The following RORB variants were observed in gnomAD, a reference collection of about 807,000 sequenced individuals.
The protein encoded by RORB is RAR related orphan receptor B.
Under a neutral mutation model 59.1 loss-of-function variants are expected in RORB, and 6 were observed. The observed-to-expected ratio is 0.10, with a 90% CI of 0.06 to 0.20. The LOEUF is 0.20. Among genes scored for constraint, RORB ranks in the 10% least tolerant of loss-of-function variants. RORB has a pLI of 1.00. For missense variants in RORB, 320 were observed against 560.5 expected, an observed-to-expected ratio of 0.57 and a Z score of 4.33; for synonymous variants, 215 against 204.5, an observed-to-expected ratio of 1.05 and a Z score of -0.44.
In RORB at chr9:74,634,648, C is replaced by T. The variant is rs1823673416; in HGVS notation, c.111C>T (p.Ser37=). 6.2e-7 allele frequency: 1 copy of T among 1,609,888 alleles called. No individual in the cohort carries two copies. Among genetic ancestry groups the T allele is most frequent in the African/African-American group, 1.3e-5 (1 of 74,722 alleles). Residue 37 remains serine (S), a synonymous_variant, in exon 3 of 10, where the codon AGC becomes AGT. Transcript: ENST00000376896. The part of the protein sequence containing the change: ...CEGCKGFFRR[S]QQNNASYSCP... ...CCCTCAAGGGATTCTTTAGGAGGAG[C>T]CAGCAGAACAATGCTTCTTATTCCT...
chr9:74,578,548 G>A (rs561983588), intron 1 of RORB, among the ~76,000 whole-genome samples: 1 of 152,030 alleles, frequency 6.6e-6, no homozygotes, highest in East Asian at 1.9e-4. Flanking sequence ...AAAAATGGAA[G>A]ACAAAAAATT....
At chr9:74,667,321 T>G (rs1824283190) in intron 7 of RORB, among the ~76,000 whole-genome samples, 1 of 152,244 alleles carries the variant, frequency 6.6e-6, no homozygotes, top group Non-Finnish European at 1.5e-5. Context: ...TTCTAACGTC[T>G]CAGTTTAAAA....
chr9:74,605,469 T>A (rs1262809340), intron 1 of RORB, among the ~76,000 whole-genome samples: 1 of 152,134 alleles, frequency 6.6e-6, no homozygotes, highest in Non-Finnish European at 1.5e-5. Context: ...AGGCGGTGTG[T>A]CCACCATGGT....
At chr9:74,647,458 C>T (rs539561940) in intron 4 of RORB, among the ~76,000 whole-genome samples, 2 of 152,262 alleles carry the variant, frequency 1.3e-5, no homozygotes, top group African/African-American at 4.8e-5. Flanking sequence ...ATCAAATTAG[C>T]TACAATGCTA....
intron 1 of RORB, among the ~76,000 whole-genome samples, chr9:74,569,697 GA>G (rs1454452103): frequency 3.3e-5 from 5 of 151,938 alleles, no homozygotes; most frequent in Non-Finnish European, 7.4e-5. Context: ...TAAAAAATTT[GA>G]AATTTGGTTT....
At chr9:74,632,731 CA>C (rs1419633237) in intron 2 of RORB, among the ~76,000 whole-genome samples, 1 of 152,032 alleles carries the variant, frequency 6.6e-6, no homozygotes, top group Non-Finnish European at 1.5e-5. Context: ...CTAGAGTATC[CA>C]AAGATAAAAA....
intron 4 of RORB, among the ~76,000 whole-genome samples, chr9:74,648,711 C>A (rs1427347367): frequency 6.6e-6 from 1 of 152,126 alleles, no homozygotes; most frequent in East Asian, 1.9e-4. Flanking sequence ...CGTCCATCCT[C>A]CTGAAAACAA....
rs187407459 is a variant in RORB at position 74,660,379 on chromosome 9, A to G, written c.638-238A>G. 1.4e-4 allele frequency among the ~76,000 whole-genome samples: 22 copies of G among 152,250 alleles called. No homozygotes were observed. In the East Asian group the frequency reaches 4.2e-3, roughly 29 times the overall value. ...CCTTTGAATGGTTTCCAACTTGTAA[A>G]ACCCCTAAGTTGTGATCAAAAGACC... On this transcript the variant is annotated intron_variant, in intron 4 of 9. Transcript: ENST00000376896.
chr9:74,550,351 T>C (rs746335713), intron 1 of RORB, among the ~76,000 whole-genome samples: 5 of 152,202 alleles, frequency 3.3e-5, no homozygotes, highest in Non-Finnish European at 7.3e-5. Flanking sequence ...ATGACTGTAA[T>C]AAGTGGTTCT....
chr9:74,576,516 G>A (rs1822637804), intron 1 of RORB, among the ~76,000 whole-genome samples: 1 of 152,228 alleles, frequency 6.6e-6, no homozygotes, highest in East Asian at 1.9e-4. Context: ...CAGTAGGAGG[G>A]AGAAAATGGA....
rs191228733 is a variant in RORB, at chr9:74,540,365, T to C, written c.7+42382T>C. The stretch of plus-strand genomic sequence containing the variant: ...TCAGTCACATTATTTAACCCCTCTA[T>C]GCTTCAATTTCTGCATCTGCAAAAA... On this transcript the variant is annotated intron_variant, in intron 1 of 9. Coordinates refer to ENST00000376896, the MANE Select transcript of RORB (RefSeq NM_006914.4). Among the ~76,000 whole-genome samples, 4 of 152,306 alleles carry C rather than the reference T, an allele frequency of 2.6e-5. No individual in the cohort carries two copies. The East Asian group carries it at 7.7e-4, about 29-fold the overall frequency.
At chr9:74,640,398 C>T (rs1405437152) in intron 3 of RORB, among the ~76,000 whole-genome samples, 1 of 151,788 alleles carries the variant, frequency 6.6e-6, no homozygotes. Context: ...CACACCACCA[C>T]GCCCACAAGC....
chr9:74,599,520 C>A (rs924515370), intron 1 of RORB, among the ~76,000 whole-genome samples: 59 of 152,160 alleles, frequency 3.9e-4, no homozygotes, highest in African/African-American at 1.3e-3. Flanking sequence ...CCCAGAGAAT[C>A]CTAACTAATA....
chr9:74,504,734 G>A (rs962707883), intron 1 of RORB, among the ~76,000 whole-genome samples: 7 of 152,020 alleles, frequency 4.6e-5, no homozygotes, highest in Middle Eastern at 3.4e-3. Flanking sequence ...ACTACCCTAC[G>A]TATTACTTTG....
chr9:74,566,866 T>C (rs1819791928), intron 1 of RORB, among the ~76,000 whole-genome samples: 1 of 152,202 alleles, frequency 6.6e-6, no homozygotes, highest in Admixed American at 6.5e-5. Flanking sequence ...AAATCAGAGA[T>C]GTCATTAGTA....
At chr9:74,557,861 A>G (rs1822332606) in intron 1 of RORB, among the ~76,000 whole-genome samples, 1 of 152,086 alleles carries the variant, frequency 6.6e-6, no homozygotes, top group Non-Finnish European at 1.5e-5. Context: ...AGGAGGAAAC[A>G]TTATGTTTGA....
In RORB at chr9:74,633,374, C is replaced by G. The variant is rs118099351; in HGVS notation, c.94-1257C>G. 1.2e-3 allele frequency among the ~76,000 whole-genome samples: 186 copies of G among 152,296 alleles called. 1 individual carries two copies. The highest frequency in any genetic ancestry group is 2.0e-3 in the Non-Finnish European group (137 of 68,024). On this transcript the variant is annotated intron_variant, in intron 2 of 9. Transcript: ENST00000376896. ...TTTGAGGGAAGTCAGGGGATCTATT[C>G]CAGGCTTCTCTGCAAGATAGGCATT...
At chr9:74,539,865 TC>T (rs1280135391) in intron 1 of RORB, among the ~76,000 whole-genome samples, 1 of 96,510 alleles carries the variant, frequency 1.0e-5, no homozygotes, top group African/African-American at 4.2e-5. Context: ...CACCTTAACC[TC>T]TCAAAAAAAA....
chr9:74,592,820 C>G (rs186975845), intron 1 of RORB, among the ~76,000 whole-genome samples: 3 of 152,274 alleles, frequency 2.0e-5, no homozygotes, highest in Admixed American at 2.0e-4. Flanking sequence ...ATCTCTCTCT[C>G]TCTCTCTCTC....
Sources: gnomAD v4.1 joint callset for allele counts (sites outside exome capture counted in the v4.1 genomes callset) on GRCh38, gnomAD v4.1.1 for gene constraint, MANE v1.5 for transcripts, NCBI Gene and HGNC (gene_info 2026-07-23, HGNC 2026-07-21) for gene names.